Variants in CUL3 observed in about 807,000 individuals in gnomAD.
The protein encoded by CUL3 is cullin 3.
A neutral mutation model predicts 89.1 loss-of-function variants in CUL3; 19 were observed. That is an observed-to-expected ratio of 0.21 (90% CI 0.15 to 0.31). The LOEUF (loss-of-function observed/expected upper bound fraction) is 0.31, where lower values mean the gene tolerates loss of function less well. Among genes scored for constraint, CUL3 ranks in the 10% least tolerant of loss-of-function variants. CUL3 has a pLI of 1.00. For missense variants in CUL3, 469 were observed against 942.3 expected, an observed-to-expected ratio of 0.50 and a Z score of 6.58; for synonymous variants, 351 against 308.4, an observed-to-expected ratio of 1.14 and a Z score of -1.45.
At chr2:224,532,233 A>G (rs986686554) in intron 3 of CUL3, among the ~76,000 whole-genome samples, 1 of 152,194 alleles carries the variant, frequency 6.6e-6, no homozygotes, top group Admixed American at 6.5e-5. Context: ...ATGAAGCTAC[A>G]TAAGGTGAAG....
chr2:224,536,950 AC>A (rs1284399819), intron 2 of CUL3, among the ~76,000 whole-genome samples: 1 of 152,118 alleles, frequency 6.6e-6, no homozygotes, highest in Non-Finnish European at 1.5e-5. Context: ...AATCCAACCA[AC>A]CTTCCATAAT....
At chr2:224,505,905 T>G (rs761476988) in intron 8 of CUL3, 51 bp downstream of exon 8, 6 of 1,219,012 alleles carry the variant, frequency 4.9e-6, no homozygotes, top group Non-Finnish European at 6.7e-6. Context: ...ACATATAATT[T>G]TATATCTTTA....
In CUL3 at chr2:224,470,435, G is replaced by A. The variant is rs940993118; in HGVS notation, c.*3810C>T. On this transcript the variant is annotated 3_prime_UTR_variant, in exon 16 of 16. Coordinates refer to ENST00000264414, the MANE Select transcript of CUL3 (RefSeq NM_003590.5). ...AATGCACGGGTTTCAAGACATCCTA[G>A]TTGTTTTTCTCCTGAGAGCTGGCGT... The A allele has an allele frequency of 1.1e-4, 25 of 230,464 alleles. No homozygotes were observed. Among genetic ancestry groups the A allele is most frequent in the Non-Finnish European group, 2.1e-4 (25 of 116,530 alleles). The allele number at this position is 230,464 out of a possible 1,614,324, so 14.3% of individuals were successfully genotyped here.
intron 15 of CUL3, among the ~76,000 whole-genome samples, chr2:224,474,691 A>G (rs1006722026): frequency 6.6e-6 from 1 of 152,242 alleles, no homozygotes; most frequent in Non-Finnish European, 1.5e-5. Context: ...ATTCTGAGTT[A>G]TACTCAAAAC....
At chr2:224,498,736 AG>A (rs1246917689) in intron 11 of CUL3, among the ~76,000 whole-genome samples, 1 of 152,232 alleles carries the variant, frequency 6.6e-6, no homozygotes, top group Non-Finnish European at 1.5e-5. Context: ...GACTGTCTAC[AG>A]GATTATGTGA....
At chr2:224,531,330 C>T (rs981165533) in intron 3 of CUL3, among the ~76,000 whole-genome samples, 1 of 151,892 alleles carries the variant, frequency 6.6e-6, no homozygotes, top group Non-Finnish European at 1.5e-5. Flanking sequence ...TCAAGTAATC[C>T]ACCCACCTAG....
intron 13 of CUL3, chr2:224,495,483 G>A (rs1033621170): frequency 2.5e-5 from 4 of 163,216 alleles, no homozygotes; most frequent in African/African-American, 7.2e-5. Flanking sequence ...GAGGTGGTAG[G>A]AGGGAATAGA....
chr2:224,558,629 C>T (rs1211939518), intron 1 of CUL3, among the ~76,000 whole-genome samples: 1 of 152,136 alleles, frequency 6.6e-6, no homozygotes, highest in Non-Finnish European at 1.5e-5. Flanking sequence ...TGCAGAATTT[C>T]GGGCCCTACT....
intron 13 of CUL3, among the ~76,000 whole-genome samples, chr2:224,484,363 G>T (rs145596338): frequency 3.4e-4 from 51 of 151,876 alleles, no homozygotes; most frequent in African/African-American, 1.0e-3. Context: ...GACCACTATG[G>T]GAAAAAATAT....
At chr2:224,522,697 C>T (rs1204727747) in intron 3 of CUL3, among the ~76,000 whole-genome samples, 2 of 151,912 alleles carry the variant, frequency 1.3e-5, no homozygotes, top group East Asian at 1.9e-4. Flanking sequence ...GGCGTGGTGG[C>T]GGGAGCCTGT....
Position 224,506,235 on chromosome 2 carries a change from T to C in CUL3, c.1030-103A>G, listed in dbSNP as rs1413020656. 1.1e-5 allele frequency: 8 copies of C among 715,164 alleles called. No homozygotes were observed. In the Admixed American group the frequency reaches 1.8e-4, roughly 16 times the overall value. The allele number at this position is 715,164 out of a possible 1,614,324, so 44.3% of individuals were successfully genotyped here. Reference sequence around the variant, plus strand: ...ATCTTAACTTTGCTGGTAATAAACATGTATATTCATTTTTAAACTTACAGT... The same window carrying C: ...ATCTTAACTTTGCTGGTAATAAACACGTATATTCATTTTTAAACTTACAGT... On this transcript the variant is annotated intron_variant, in intron 7 of 15. Transcript: ENST00000264414.
rs1201923876 is a variant in CUL3 at position 224,526,779 on chromosome 2, CAT to C, written c.378+8747_378+8748del. Among the ~76,000 whole-genome samples, 6 of 146,050 alleles carry C rather than the reference CAT, an allele frequency of 4.1e-5. No homozygotes were observed. In the East Asian group the frequency reaches 1.0e-3, roughly 25 times the overall value. The stretch of plus-strand genomic sequence containing the variant: ...CACAAGGCACAGCGATCAAGTTTAT[CAT>C]TCTCCAACCTGGGCGACAGAGCAAG... On this transcript the variant is annotated intron_variant, in intron 3 of 15. Coordinates refer to ENST00000264414, the MANE Select transcript of CUL3 (RefSeq NM_003590.5).
chr2:224,520,660 G>A (rs1288527318), intron 3 of CUL3, among the ~76,000 whole-genome samples: 1 of 152,136 alleles, frequency 6.6e-6, no homozygotes, highest in East Asian at 1.9e-4. Context: ...CACAAGAAAA[G>A]GAAAGCTCAA....
At chr2:224,541,888 AGGAACTAGG>A (rs1363606781) in intron 2 of CUL3, among the ~76,000 whole-genome samples, 2 of 152,210 alleles carry the variant, frequency 1.3e-5, no homozygotes, top group Non-Finnish European at 2.9e-5. Context: ...AGTGGTTGTC[AGGAACTAGG>A]GGTTAAGAGA....
intron 1 of CUL3, among the ~76,000 whole-genome samples, chr2:224,572,036 T>C (rs1695191867): frequency 6.6e-6 from 1 of 152,192 alleles, no homozygotes; most frequent in Non-Finnish European, 1.5e-5. Context: ...TCAACTCAAA[T>C]AATCAGAGTG....
In CUL3 at chr2:224,473,688, C is replaced by T; in HGVS notation, c.*557G>A. The T allele has an allele frequency of 5.4e-6, 1 of 184,120 alleles. No homozygotes were observed. The highest frequency in any genetic ancestry group is 1.2e-5 in the Non-Finnish European group (1 of 86,480). 11.4% of individuals were successfully genotyped at this position (184,120 alleles called of 1,614,324 possible). A position where few individuals can be genotyped will look rare whatever the true frequency, so the allele number is the denominator to read the frequency against. ...CATAAGGCTAGAAGATGAGTAAGTG[C>T]AAGTGGTAGAATACAGCATGCTCAA... On this transcript the variant is annotated 3_prime_UTR_variant, in exon 16 of 16. Coordinates refer to ENST00000264414, the MANE Select transcript of CUL3 (RefSeq NM_003590.5).
intron 3 of CUL3, among the ~76,000 whole-genome samples, chr2:224,525,104 T>C (rs986993896): frequency 1.3e-5 from 2 of 151,234 alleles, no homozygotes; most frequent in African/African-American, 2.4e-5. Context: ...AATGTATCAG[T>C]AATTATTTTA....
At chr2:224,483,778 G>A (rs1254070800) in intron 13 of CUL3, among the ~76,000 whole-genome samples, 1 of 152,162 alleles carries the variant, frequency 6.6e-6, no homozygotes, top group African/African-American at 2.4e-5. Context: ...TGACACAAGT[G>A]GAGATTTAGA....
Position 224,585,187 on chromosome 2 carries a change from G to C in CUL3, c.-178C>G, listed in dbSNP as rs1205333747. The C allele has an allele frequency of 3.4e-6, 1 of 289,948 alleles. No individual in the cohort carries two copies. Among genetic ancestry groups the C allele is most frequent in the African/African-American group, 2.3e-5 (1 of 43,964 alleles). The allele number at this position is 289,948 out of a possible 1,614,324, so 18.0% of individuals were successfully genotyped here. On this transcript the variant is annotated 5_prime_UTR_variant, in exon 1 of 16. Coordinates refer to ENST00000264414, the MANE Select transcript of CUL3 (RefSeq NM_003590.5). ...CGCGGCGGCGGCGGGGGCGGCGGCG[G>C]CGGCGGCGGCGGCTCGGACTCTGGC... is the stretch of plus-strand genomic sequence containing the variant.
Sources: allele counts gnomAD v4.1 joint callset (sites outside exome capture counted in the v4.1 genomes callset), GRCh38; gene constraint gnomAD v4.1.1; transcripts MANE v1.5; gene names NCBI Gene and HGNC (gene_info 2026-07-23, HGNC 2026-07-21).